The following SMYD3 variants were observed in gnomAD, a reference collection of about 807,000 sequenced individuals.
SMYD3 encodes histone-lysine N-methyltransferase SMYD3.
A neutral mutation model predicts 57.7 loss-of-function variants in SMYD3; 36 were observed. That is an observed-to-expected ratio of 0.62 (90% confidence interval 0.48 to 0.82). The LOEUF is 0.82. SMYD3 is among the 40% of genes least tolerant of loss of function. The probability of loss-of-function intolerance (pLI) is 0.00; values close to 1 mark genes in which losing one functional copy is unlikely to be tolerated. For missense variants in SMYD3, 515 were observed against 538.8 expected (o/e 0.96, Z 0.44); for synonymous variants, 211 against 195.0 (o/e 1.08, Z -0.68).
chr1:246,407,840 AAAAT>A (rs34670186), intron 1 of SMYD3, among the ~76,000 whole-genome samples: 12 of 147,020 alleles, frequency 8.2e-5, no homozygotes, highest in Non-Finnish European at 1.7e-4. Context: ...ACTCCGTCTC[AAAAT>A]AAATAAATAA....
At chr1:246,418,977 C>G (rs567992368) in intron 1 of SMYD3, among the ~76,000 whole-genome samples, 1 of 152,214 alleles carries the variant, frequency 6.6e-6, no homozygotes, top group South Asian at 2.1e-4. Context: ...GTGATTTGTT[C>G]CCTCCCCACC....
At chr1:246,037,163 T>C (rs2059791183) in intron 5 of SMYD3, among the ~76,000 whole-genome samples, 2 of 152,224 alleles carry the variant, frequency 1.3e-5, no homozygotes, top group Admixed American at 1.3e-4. Context: ...GCTAAATTCC[T>C]ATAAATGTAA....
At chr1:245,981,879 A>C (rs1171807676) in intron 5 of SMYD3, among the ~76,000 whole-genome samples, 1 of 152,214 alleles carries the variant, frequency 6.6e-6, no homozygotes, top group Non-Finnish European at 1.5e-5. Flanking sequence ...TTGTCCTCTC[A>C]AAGAACTGTT....
intron 5 of SMYD3, among the ~76,000 whole-genome samples, chr1:246,308,649 A>G (rs1247237550): frequency 6.6e-6 from 1 of 152,152 alleles, no homozygotes; most frequent in African/African-American, 2.4e-5. Flanking sequence ...TCACATTTAC[A>G]ATTTATGATA....
chr1:246,099,030 A>C (rs555042919), intron 5 of SMYD3, among the ~76,000 whole-genome samples: 10 of 152,286 alleles, frequency 6.6e-5, no homozygotes, highest in Middle Eastern at 3.4e-3. Context: ...ACCTCTTCTA[A>C]CCAGTCTCCA....
rs35641968 is a variant in SMYD3, at chr1:245,772,675, A to ATT, written c.1077-8528_1077-8527dup. Among the ~76,000 whole-genome samples, 49 of 151,728 alleles carry ATT rather than the reference A, an allele frequency of 3.2e-4. No homozygotes were observed. The South Asian group carries it at 9.8e-3, about 30-fold the overall frequency. The stretch of plus-strand genomic sequence containing the variant: ...AGACTATCTCTACAAATAAATACAT[A>ATT]TTTTTTTTAGAAGTAGGGTTTTCTT... On this transcript the variant is annotated intron_variant, in intron 10 of 11. Transcript: ENST00000490107.
chr1:246,433,615 C>T lies in SMYD3; in HGVS notation c.164+73439G>A, dbSNP rs540998586. ...GGCAGAGATGGCAGTAAGCCAAGAT[C>T]GTGCCACTGTACTCCAGCCTGGGTG... On this transcript the variant is annotated intron_variant, in intron 1 of 11. Transcript: ENST00000490107. Among the ~76,000 whole-genome samples, 128 of 152,266 alleles carry T rather than the reference C, an allele frequency of 8.4e-4. No individual in the cohort carries two copies. The South Asian group carries it at 0.025, about 30-fold the overall frequency.
chr1:246,025,305 C>G (rs2148242347), intron 5 of SMYD3, among the ~76,000 whole-genome samples: 1 of 152,086 alleles, frequency 6.6e-6, no homozygotes, highest in Middle Eastern at 3.4e-3. Flanking sequence ...AAGGGAGATA[C>G]AGCAAGTGGA....
chr1:245,969,022 A>T (rs78040463), intron 5 of SMYD3, among the ~76,000 whole-genome samples: 2,125 of 152,300 alleles, frequency 0.014, 39 homozygotes, highest in African/African-American at 0.043. Flanking sequence ...ACCTCTAAAA[A>T]GTATGTAATT....
At chr1:246,104,170 C>G (rs1488583007) in intron 5 of SMYD3, among the ~76,000 whole-genome samples, 2 of 152,150 alleles carry the variant, frequency 1.3e-5, no homozygotes, top group African/African-American at 4.8e-5. Flanking sequence ...CAAGTCTTAC[C>G]ACTGAATTTT....
intron 5 of SMYD3, among the ~76,000 whole-genome samples, chr1:246,151,201 G>A (rs560529656): frequency 6.6e-5 from 10 of 151,186 alleles, no homozygotes; most frequent in South Asian, 2.1e-4. Context: ...AGCCAAGACC[G>A]TGCCACTGCA....
chr1:246,439,111 G>GA (rs897283730), intron 1 of SMYD3, among the ~76,000 whole-genome samples: 1 of 149,748 alleles, frequency 6.7e-6, no homozygotes, highest in African/African-American at 2.5e-5. Flanking sequence ...TTTTCGGGGG[G>GA]GGGGGTTCCC....
chr1:246,054,321 G>A (rs1383745558), intron 5 of SMYD3, among the ~76,000 whole-genome samples: 1 of 152,102 alleles, frequency 6.6e-6, no homozygotes, highest in African/African-American at 2.4e-5. Flanking sequence ...CTACTGGGGG[G>A]AACACGAAAA....
At chr1:245,758,962 T>C (rs2045722400) in intron 11 of SMYD3, among the ~76,000 whole-genome samples, 1 of 152,178 alleles carries the variant, frequency 6.6e-6, no homozygotes. Context: ...TTCTCTGACA[T>C]CACTCCAGCA....
intron 5 of SMYD3, among the ~76,000 whole-genome samples, chr1:246,130,366 C>T (rs1324239483): frequency 2.0e-5 from 3 of 152,092 alleles, no homozygotes; most frequent in Non-Finnish European, 4.4e-5. Context: ...TTATGTCTCC[C>T]AAAAACCAAA....
At chr1:246,096,002 G>C (rs1043762104) in intron 5 of SMYD3, among the ~76,000 whole-genome samples, 2 of 152,114 alleles carry the variant, frequency 1.3e-5, no homozygotes, top group African/African-American at 4.8e-5. Flanking sequence ...CTTCTATCAA[G>C]CCATGATTAT....
At chr1:246,374,764 G>A (rs147011252) in intron 1 of SMYD3, among the ~76,000 whole-genome samples, 1,749 of 152,234 alleles carry the variant, frequency 0.011, 14 homozygotes, top group Middle Eastern at 0.031. Context: ...CTTGAGGTCA[G>A]GAGTTCAAGA....
chr1:246,281,180 C>T (rs2064432699), intron 5 of SMYD3, among the ~76,000 whole-genome samples: 1 of 152,220 alleles, frequency 6.6e-6, no homozygotes, highest in Non-Finnish European at 1.5e-5. Context: ...TCATTGGACA[C>T]CACACAGGTG....
chr1:245,844,572 T>A (rs1386553917), intron 10 of SMYD3, among the ~76,000 whole-genome samples: 1 of 151,488 alleles, frequency 6.6e-6, no homozygotes. Context: ...CCGGTTTTCC[T>A]CTTTCCATTT....
Sources: allele counts gnomAD v4.1 joint callset (sites outside exome capture counted in the v4.1 genomes callset), GRCh38; gene constraint gnomAD v4.1.1; transcripts MANE v1.5; gene names NCBI Gene and HGNC (gene_info 2026-07-23, HGNC 2026-07-21).